Variants in COLGALT2 observed in about 807,000 individuals in gnomAD.
COLGALT2 encodes the protein collagen beta(1-O)galactosyltransferase 2.
In COLGALT2, 49 loss-of-function variants were observed where a neutral mutation model predicts 73.4. The observed-to-expected ratio is 0.67, with a 90% CI of 0.53 to 0.85. The LOEUF is 0.85. Ranked by LOEUF, COLGALT2 falls within the 40% of genes least tolerant of loss-of-function variation. COLGALT2 has a pLI of 0.00. For missense variants in COLGALT2, 722 were observed against 790.2 expected (o/e 0.91, Z 1.03); for synonymous variants, 295 against 307.6 (o/e 0.96, Z 0.43).
At chr1:183,987,774 A>G (rs1192504064) in intron 1 of COLGALT2, among the ~76,000 whole-genome samples, 1 of 152,232 alleles carries the variant, frequency 6.6e-6, no homozygotes, top group Admixed American at 6.5e-5. Context: ...GTGTGAAAGG[A>G]GGACTGTTGA....
intron 5 of COLGALT2, among the ~76,000 whole-genome samples, chr1:183,966,166 C>T (rs1670865859): frequency 6.6e-6 from 1 of 152,134 alleles, no homozygotes; most frequent in Non-Finnish European, 1.5e-5. Flanking sequence ...TATATGAATA[C>T]TTTCAACCAT....
In COLGALT2 at chr1:183,938,623, T is replaced by C. The variant is rs1670027226; in HGVS notation, c.*138A>G. On this transcript the variant is annotated 3_prime_UTR_variant, in exon 12 of 12. Transcript: ENST00000361927. Reference sequence around the variant, plus strand: ...TCAAAAATATGTTAATTTCGATCTATCACACTAGATCACTTTGGTTAGATG... The same window carrying C: ...TCAAAAATATGTTAATTTCGATCTACCACACTAGATCACTTTGGTTAGATG... 5 of 1,444,364 alleles carry C rather than the reference T, an allele frequency of 3.5e-6. No individual in the cohort carries two copies. The highest frequency in any genetic ancestry group is 4.6e-6 in the Non-Finnish European group (5 of 1,096,280). 89.5% of individuals were successfully genotyped at this position (1,444,364 alleles called of 1,614,324 possible). A position where few individuals can be genotyped will look rare whatever the true frequency, so the allele number is the denominator to read the frequency against.
rs914199435 is a variant in COLGALT2, at chr1:183,953,928, C to T, written c.1029+834G>A. On this transcript the variant is annotated intron_variant, in intron 7 of 11. Transcript: ENST00000361927. ...ATGTGATAAATAAGGCATCTTCCTT[C>T]GATTAATCAGTGGCAATTAGCACCA... 3.4e-4 allele frequency among the ~76,000 whole-genome samples: 52 copies of T among 152,172 alleles called. 1 individual carries two copies. Among genetic ancestry groups the T allele is most frequent in the Non-Finnish European group, 1.2e-4 (8 of 68,036 alleles).
At position 183,973,715 on chromosome 1, in the gene COLGALT2, C is replaced by A; in HGVS notation, c.528G>T (p.Gln176His). The change falls in exon 4 of 12, where the codon CAG becomes CAT. Residue 176 changes from glutamine to histidine, a missense_variant. By Grantham distance (24) the Gln-to-His change is conservative. Transcript: ENST00000361927. The part of the protein sequence containing the change: ...IDVDNFLTNP[Q>H]TLNLLIAENK... The stretch of plus-strand genomic sequence containing the variant: ...TTTCTGCAATCAGTAGATTGAGGGT[C>A]TGTGGATTAGTCAGGAAATTGTCAA... 2 of 1,613,690 alleles carry A rather than the reference C, an allele frequency of 1.2e-6. No individual in the cohort carries two copies. The highest frequency in any genetic ancestry group is 1.7e-6 in the Non-Finnish European group (2 of 1,179,806).
intron 6 of COLGALT2, among the ~76,000 whole-genome samples, chr1:183,959,431 TAA>T (rs574594788): frequency 3.3e-5 from 5 of 152,198 alleles, no homozygotes; most frequent in Non-Finnish European, 5.9e-5. Flanking sequence ...TCTTTTTCTA[TAA>T]AGTCTTTCCC....
intron 8 of COLGALT2, among the ~76,000 whole-genome samples, chr1:183,947,794 C>T (rs893846361): frequency 1.3e-5 from 2 of 151,850 alleles, no homozygotes; most frequent in Non-Finnish European, 2.9e-5. Flanking sequence ...GAAAAATCAA[C>T]AAAACCAAAA....
At chr1:183,970,495 C>G (rs79063658) in intron 4 of COLGALT2, among the ~76,000 whole-genome samples, 1 of 152,204 alleles carries the variant, frequency 6.6e-6, no homozygotes, top group Non-Finnish European at 1.5e-5. Flanking sequence ...TAAGGTGCTA[C>G]AGCCTCACCT....
At chr1:183,961,082 C>T (rs1469502306) in intron 6 of COLGALT2, among the ~76,000 whole-genome samples, 1 of 152,148 alleles carries the variant, frequency 6.6e-6, no homozygotes, top group African/African-American at 2.4e-5. Flanking sequence ...TCATTATACA[C>T]CTCAAAATTT....
chr1:183,986,440 C>A (rs1926868), intron 1 of COLGALT2, among the ~76,000 whole-genome samples: 11,869 of 152,132 alleles, frequency 0.078, 821 homozygotes, highest in East Asian at 0.41. Context: ...ATCATAGACA[C>A]GACACACCTG....
chr1:183,951,117 A>C lies in COLGALT2; in HGVS notation c.1030-4T>G. 1 of 1,604,976 alleles carries C rather than the reference A, an allele frequency of 6.2e-7. No individual in the cohort carries two copies. The highest frequency in any genetic ancestry group is 8.5e-7 in the Non-Finnish European group (1 of 1,171,678). On this transcript the variant is annotated splice_polypyrimidine_tract_variant and splice_region_variant and intron_variant, in intron 7 of 11. Coordinates refer to ENST00000361927, the MANE Select transcript of COLGALT2 (RefSeq NM_015101.4). The stretch of plus-strand genomic sequence containing the variant: ...GTTTGAGGTTTATCATGAAAATCTA[A>C]TGCAAGAAGGAAAAGGGAAAAGACA...
At chr1:183,934,984 G>T (rs1425343459), downstream of COLGALT2, among the ~76,000 whole-genome samples, 2 of 152,200 alleles carry the variant, frequency 1.3e-5, no homozygotes, top group Non-Finnish European at 2.9e-5. Flanking sequence ...CAGCATGATT[G>T]TGTCTCAGTC....
intron 4 of COLGALT2, 87 bp from the exon 5 acceptor site, chr1:183,969,560 T>G: frequency 8.2e-7 from 1 of 1,217,258 alleles, no homozygotes; most frequent in Non-Finnish European, 1.1e-6. Flanking sequence ...TCCTTTCAAG[T>G]CATTACCAGC....
At chr1:183,941,092 G>A (rs1025570365) in intron 10 of COLGALT2, among the ~76,000 whole-genome samples, 2 of 152,200 alleles carry the variant, frequency 1.3e-5, no homozygotes, top group African/African-American at 4.8e-5. Context: ...TCTTAAAGAT[G>A]GGATGGGGCT....
chr1:183,933,275 C>A (rs1426935996), downstream of COLGALT2, among the ~76,000 whole-genome samples: 3 of 152,146 alleles, frequency 2.0e-5, no homozygotes, highest in African/African-American at 7.2e-5. Context: ...CCACTCCTTG[C>A]ACTTCTCTCC....
chr1:183,979,536 G>C (rs751269950), intron 1 of COLGALT2, among the ~76,000 whole-genome samples: 3 of 152,036 alleles, frequency 2.0e-5, no homozygotes, highest in Non-Finnish European at 4.4e-5. Flanking sequence ...AGGTTTACAG[G>C]CCATATACTA....
At chr1:183,997,460 T>C (rs1416927732) in intron 1 of COLGALT2, among the ~76,000 whole-genome samples, 1 of 152,198 alleles carries the variant, frequency 6.6e-6, no homozygotes, top group Non-Finnish European at 1.5e-5. Flanking sequence ...CTTAGTATTT[T>C]TTATAGCAGA....
At chr1:183,997,736 C>T (rs889040793) in intron 1 of COLGALT2, among the ~76,000 whole-genome samples, 2 of 152,168 alleles carry the variant, frequency 1.3e-5, no homozygotes, top group Admixed American at 1.3e-4. Context: ...ACAAACTATA[C>T]TTTAGGCTGT....
intron 6 of COLGALT2, among the ~76,000 whole-genome samples, chr1:183,962,080 A>G (rs1252773167): frequency 6.6e-6 from 1 of 151,562 alleles, no homozygotes; most frequent in East Asian, 1.9e-4. Flanking sequence ...TGGGAAGCAG[A>G]TACTCATAGA....
At chr1:183,969,182 T>A in intron 5 of COLGALT2, 87 bp downstream of exon 5, 1 of 1,220,490 alleles carries the variant, frequency 8.2e-7, no homozygotes, top group Non-Finnish European at 1.1e-6. Context: ...TATGAGGGTT[T>A]TTTTTTTTAA....
Sources: allele counts gnomAD v4.1 joint callset (sites outside exome capture counted in the v4.1 genomes callset), GRCh38; gene constraint gnomAD v4.1.1; transcripts MANE v1.5; gene names NCBI Gene and HGNC (gene_info 2026-07-23, HGNC 2026-07-21).